Variants in ZFPM1 observed in about 807,000 individuals in gnomAD.
The protein encoded by ZFPM1 is zinc finger protein, FOG family member 1.
In ZFPM1, 28 loss-of-function variants were observed where a neutral mutation model predicts 46.3. That is an observed-to-expected ratio of 0.60 (90% confidence interval 0.45 to 0.83). The LOEUF is 0.83. Ranked by LOEUF, ZFPM1 falls within the 40% of genes least tolerant of loss-of-function variation. ZFPM1 has a pLI of 0.00. For synonymous variants in ZFPM1, 957 were observed against 675.9 expected, an observed-to-expected ratio of 1.42 and a Z score of -6.45; for missense variants, 1,878 against 1,432.4, an observed-to-expected ratio of 1.31 and a Z score of -5.02.
intron 3 of ZFPM1, among the ~76,000 whole-genome samples, chr16:88,510,360 G>C (rs1041085365): frequency 2.6e-5 from 4 of 152,334 alleles, no homozygotes; most frequent in South Asian, 4.1e-4. Flanking sequence ...GGCTCAGCCA[G>C]CAGCGCCAAG....
At position 88,486,000 on chromosome 16, in the gene ZFPM1, G is replaced by A. The variant is rs1909200502; in HGVS notation, c.102G>A (p.Glu34=). The part of the protein sequence containing the change: ...EVQLVGASHM[E]QKATAPEAPS... ...AGTTGGTGGGTGCCAGCCACATGGA[G>A]CAAAAGGCCACGGCACCTGAAGCCC... is the stretch of plus-strand genomic sequence containing the variant. The change falls in exon 2 of 10, where the codon GAG becomes GAA. Residue 34 remains glutamate (E), a synonymous_variant. Coordinates refer to ENST00000319555, the MANE Select transcript of ZFPM1 (RefSeq NM_153813.3). 6.2e-7 allele frequency: 1 copy of A among 1,612,938 alleles called. No individual in the cohort carries two copies. The highest frequency in any genetic ancestry group is 1.1e-5 in the South Asian group (1 of 91,068).
At position 88,469,174 on chromosome 16, in the gene ZFPM1, G is replaced by GC; in HGVS notation, c.40+15502dup. On this transcript the variant is annotated intron_variant, in intron 1 of 9. Transcript: ENST00000319555. This position sits in a 1 kb window ranked among gnomAD's most constrained non-coding sequence, Gnocchi z 4.3. ...CCCACTCCAGACCCTCCTGCAGGCT[G>GC]CCCCCCACCGCTCCACCCTCTCCCC... 1 of 153,150 alleles carries GC rather than the reference G, an allele frequency of 6.5e-6. No individual in the cohort carries two copies. The highest frequency in any genetic ancestry group is 1.5e-5 in the Non-Finnish European group (1 of 68,148). 9.5% of individuals were successfully genotyped at this position (153,150 alleles called of 1,614,324 possible).
At position 88,480,596 on chromosome 16, in the gene ZFPM1, C is replaced by T. The variant is rs1908887004; in HGVS notation, c.41-5343C>T. On this transcript the variant is annotated intron_variant, in intron 1 of 9. Transcript: ENST00000319555. This position sits in a 1 kb window ranked among gnomAD's most constrained non-coding sequence, Gnocchi z 4.9. Reference sequence around the variant, plus strand: ...AACTCCCAAGAGAGGCCAGCATAGGCGCCTGTGTCCCCTGCAGGCACCCAC... The same window carrying T: ...AACTCCCAAGAGAGGCCAGCATAGGTGCCTGTGTCCCCTGCAGGCACCCAC... Among the ~76,000 whole-genome samples the T allele has an allele frequency of 6.6e-6, 1 of 152,238 alleles. No homozygotes were observed.
chr16:88,479,125 C>T lies in ZFPM1; in HGVS notation c.41-6814C>T, dbSNP rs528810846. Among the ~76,000 whole-genome samples, 34 of 152,290 alleles carry T rather than the reference C, an allele frequency of 2.2e-4. 1 individual carries two copies. The highest frequency in any genetic ancestry group is 1.8e-3 in the Admixed American group (27 of 15,298). On this transcript the variant is annotated intron_variant, in intron 1 of 9. Coordinates refer to ENST00000319555, the MANE Select transcript of ZFPM1 (RefSeq NM_153813.3). ...GTCAGTCTGGCTGCTTGATGGATTGCGCGTGAGGTACTGGCCACTTGGTCC... is the reference window on the plus strand; with the variant it reads ...GTCAGTCTGGCTGCTTGATGGATTGTGCGTGAGGTACTGGCCACTTGGTCC...
At position 88,479,250 on chromosome 16, in the gene ZFPM1, C is replaced by T. The variant is rs1169479115; in HGVS notation, c.41-6689C>T. ...TCGCCAGCAGACCCCACTTTGATGGCGGGGCTGGGCTGCTGCTACCACTGC... is the reference window on the plus strand; with the variant it reads ...TCGCCAGCAGACCCCACTTTGATGGTGGGGCTGGGCTGCTGCTACCACTGC... On this transcript the variant is annotated intron_variant, in intron 1 of 9. Transcript: ENST00000319555. Among the ~76,000 whole-genome samples, 5 of 152,226 alleles carry T rather than the reference C, an allele frequency of 3.3e-5. No individual in the cohort carries two copies. In the East Asian group the frequency reaches 7.7e-4, roughly 24 times the overall value.
At chr16:88,517,224 GGAT>G (rs1555527327) in intron 4 of ZFPM1, among the ~76,000 whole-genome samples, 3 of 107,270 alleles carry the variant, frequency 2.8e-5, no homozygotes, top group Non-Finnish European at 3.8e-5. Context: ...ATGGATGGAT[GGAT>G]GGGTGGGTGG....
chr16:88,521,975 TCTCAGC>T (rs1911938605), intron 4 of ZFPM1: 2 of 153,166 alleles, frequency 1.3e-5, no homozygotes, highest in African/African-American at 4.8e-5. Flanking sequence ...CCACTCCCCG[TCTCAGC>T]CTGTCCCGTG....
At chr16:88,463,764 G>A (rs4782368) in intron 1 of ZFPM1, among the ~76,000 whole-genome samples, 50,498 of 152,146 alleles carry the variant, frequency 0.33, 8,688 homozygotes, top group East Asian at 0.49. Context: ...TGGGCCAGGG[G>A]ACGCCCGTCT....
chr16:88,455,484 G>T (rs932494844), intron 1 of ZFPM1, among the ~76,000 whole-genome samples: 6 of 152,150 alleles, frequency 3.9e-5, no homozygotes, highest in African/African-American at 1.4e-4. Context: ...AGCACGTTAA[G>T]ATGCGAAGGC....
At chr16:88,478,586 A>C (rs1225114686) in intron 1 of ZFPM1, among the ~76,000 whole-genome samples, 1 of 152,224 alleles carries the variant, frequency 6.6e-6, no homozygotes, top group Non-Finnish European at 1.5e-5. Flanking sequence ...AGAGGCACAC[A>C]TGCCCCCTCC....
chr16:88,469,396 G>A lies in ZFPM1; in HGVS notation c.40+15718G>A, dbSNP rs755775920. The stretch of plus-strand genomic sequence containing the variant: ...TGGGCTCTTCAGCAAGCCCCTTGCC[G>A]GCCTGGGCCTCAGTTTCCCCTTCCA... On this transcript the variant is annotated intron_variant, in intron 1 of 9. Coordinates refer to ENST00000319555, the MANE Select transcript of ZFPM1 (RefSeq NM_153813.3). This position sits in a 1 kb window ranked among gnomAD's most constrained non-coding sequence, Gnocchi z 4.3. Among the ~76,000 whole-genome samples, 1 of 152,210 alleles carries A rather than the reference G, an allele frequency of 6.6e-6. No individual in the cohort carries two copies. The highest frequency in any genetic ancestry group is 6.5e-5 in the Admixed American group (1 of 15,290).
intron 1 of ZFPM1, among the ~76,000 whole-genome samples, chr16:88,464,791 C>T (rs1908059095): frequency 6.6e-6 from 1 of 152,066 alleles, no homozygotes; most frequent in African/African-American, 2.4e-5. Flanking sequence ...GAACTGGCCC[C>T]ATTACTGCGC....
intron 1 of ZFPM1, among the ~76,000 whole-genome samples, chr16:88,483,027 C>T (rs1055386723): frequency 1.3e-5 from 2 of 152,166 alleles, no homozygotes; most frequent in African/African-American, 4.8e-5. Context: ...AGGAGTTGAA[C>T]CGGTCAGGGG....
rs374014804 is a variant in ZFPM1 at position 88,489,164 on chromosome 16, G to T, written c.268+11G>T. The stretch of plus-strand genomic sequence containing the variant: ...CCTGGAGCGGGCCAGGTAACCACGC[G>T]GGTGGTGGGGGCAGCAGCATCGCCT... On this transcript the variant is annotated intron_variant, in intron 3 of 9. Coordinates refer to ENST00000319555, the MANE Select transcript of ZFPM1 (RefSeq NM_153813.3). 6.3e-7 allele frequency: 1 copy of T among 1,587,100 alleles called. No individual in the cohort carries two copies. Among genetic ancestry groups the T allele is most frequent in the Non-Finnish European group, 8.6e-7 (1 of 1,167,464 alleles).
intron 4 of ZFPM1, among the ~76,000 whole-genome samples, chr16:88,521,477 C>G (rs1170006784): frequency 2.0e-5 from 3 of 151,802 alleles, no homozygotes; most frequent in South Asian, 2.1e-4. Context: ...AGGGACCCCC[C>G]GCTAAGGTAT....
intron 1 of ZFPM1, among the ~76,000 whole-genome samples, chr16:88,485,015 G>A (rs150280854): frequency 1.1e-4 from 16 of 152,344 alleles, no homozygotes; most frequent in African/African-American, 3.1e-4. Flanking sequence ...TGGTTTGTTC[G>A]CTCGACAAGT....
intron 1 of ZFPM1, among the ~76,000 whole-genome samples, chr16:88,457,038 G>A (rs1447889218): frequency 2.6e-5 from 4 of 152,212 alleles, no homozygotes; most frequent in Non-Finnish European, 5.9e-5. Context: ...ACAAATTATT[G>A]GTAACCACAG....
Position 88,534,804 on chromosome 16 carries a change from C to T in ZFPM1, c.2846C>T (p.Pro949Leu), listed in dbSNP as rs1339402111. The change falls in exon 10 of 10, where the codon CCC becomes CTC. Residue 949 changes from proline to leucine, a missense_variant. Pro to Leu is a moderately conservative substitution (Grantham distance 98). Coordinates refer to ENST00000319555, the MANE Select transcript of ZFPM1 (RefSeq NM_153813.3). ...APEAVPPPPA[P>L]PSYSDKGVQT... ...GAGGCCGTGCCGCCCCCGCCGGCGC[C>T]CCCCTCCTACTCGGACAAGGGCGTC... 1 of 1,411,412 alleles carries T rather than the reference C, an allele frequency of 7.1e-7. No individual in the cohort carries two copies. The highest frequency in any genetic ancestry group is 2.3e-5 in the Admixed American group (1 of 43,820). The allele number at this position is 1,411,412 out of a possible 1,614,324, so 87.4% of individuals were successfully genotyped here. A position where few individuals can be genotyped will look rare whatever the true frequency, so the allele number is the denominator to read the frequency against.
rs1270880916 is a variant in ZFPM1, at chr16:88,526,926, A to G, written c.505+10A>G. ...GAGATCCACAGGAAGGGTCAGTATG[A>G]CGCGGCACCTCCGTCCCAAGCCTTC... On this transcript the variant is annotated intron_variant, in intron 5 of 9. Transcript: ENST00000319555. 1.9e-6 allele frequency: 3 copies of G among 1,560,092 alleles called. No homozygotes were observed. Among genetic ancestry groups the G allele is most frequent in the Middle Eastern group, 1.7e-4 (1 of 6,022 alleles).
Sources: allele counts gnomAD v4.1 joint callset (sites outside exome capture counted in the v4.1 genomes callset), GRCh38; gene constraint gnomAD v4.1.1; non-coding constraint Gnocchi (gnomAD v3.1); transcripts MANE v1.5; gene names NCBI Gene and HGNC (gene_info 2026-07-23, HGNC 2026-07-21).